TENM1: variants seen among roughly 807,000 people sequenced by gnomAD.
TENM1 encodes teneurin transmembrane protein 1.
In TENM1, 35 loss-of-function variants were observed where a neutral mutation model predicts 174.8. That is an observed-to-expected ratio of 0.20 (90% CI 0.15 to 0.27). The LOEUF (loss-of-function observed/expected upper bound fraction) is 0.27. TENM1 is among the 10% of genes least tolerant of loss of function. TENM1 has a pLI of 1.00. For synonymous variants in TENM1, 781 were observed against 798.7 expected (o/e 0.98, Z 0.37); for missense variants, 1,633 against 2,130.1 (o/e 0.77, Z 4.59).
At chrX:124,527,915 C>G (rs2048018666) in intron 16 of TENM1, among the ~76,000 whole-genome samples, 1 of 106,477 alleles carries the variant, frequency 9.4e-6, no homozygotes, top group African/African-American at 3.4e-5. Context: ...CTCAGCCTCC[C>G]AAAGTGCTGG....
intron 3 of TENM1, among the ~76,000 whole-genome samples, chrX:124,789,999 T>TC (rs1035581957): frequency 8.9e-6 from 1 of 112,110 alleles, no homozygotes; most frequent in African/African-American, 3.2e-5. Flanking sequence ...GACTTACAGT[T>TC]CCACATGGCT....
At chrX:124,782,560 C>T (rs1476653923) in intron 3 of TENM1, among the ~76,000 whole-genome samples, 1 of 109,035 alleles carries the variant, frequency 9.2e-6, no homozygotes, top group Non-Finnish European at 1.9e-5. Context: ...TCTTGGAATA[C>T]ATCCCCTTCC....
chrX:124,592,420 C>CTATAA (rs980122534), intron 11 of TENM1, among the ~76,000 whole-genome samples: 3 of 104,059 alleles, frequency 2.9e-5, no homozygotes, highest in Non-Finnish European at 5.8e-5. Context: ...CATTCTTTAC[C>CTATAA]TATAATATTA....
the TENM1 span, among the ~76,000 whole-genome samples, chrX:125,037,799 T>C: frequency 9.0e-6 from 1 of 111,624 alleles, no homozygotes; most frequent in Non-Finnish European, 1.9e-5. Context: ...TCTTTCCTCA[T>C]AAATTAGTCT....
At chrX:124,602,643 C>T (rs1021916189) in intron 11 of TENM1, among the ~76,000 whole-genome samples, 15 of 109,971 alleles carry the variant, frequency 1.4e-4, no homozygotes, top group Admixed American at 2.0e-4. Flanking sequence ...CATAGGGAAA[C>T]GCAGGAGCCT....
At chrX:125,013,070 A>G in the TENM1 span, among the ~76,000 whole-genome samples, 39 of 111,828 alleles carry the variant, frequency 3.5e-4, 1 homozygote, top group Admixed American at 3.4e-3. Flanking sequence ...AAAATGTTCA[A>G]TAGCTACAGT....
At chrX:124,712,305 C>T (rs759694012) in intron 4 of TENM1, among the ~76,000 whole-genome samples, 1 of 111,129 alleles carries the variant, frequency 9.0e-6, no homozygotes, top group Non-Finnish European at 1.9e-5. Flanking sequence ...TACAACACCA[C>T]CAACCATGTA....
the TENM1 span, among the ~76,000 whole-genome samples, chrX:125,098,580 C>A: frequency 8.9e-6 from 1 of 111,971 alleles, no homozygotes; most frequent in Non-Finnish European, 1.9e-5. Flanking sequence ...AGCATAAAGA[C>A]AACAACAAGA....
the TENM1 span, among the ~76,000 whole-genome samples, chrX:125,171,338 AG>A: frequency 9.0e-6 from 1 of 110,930 alleles, no homozygotes; most frequent in African/African-American, 3.3e-5. Context: ...TTATACCCCG[AG>A]ATCTAAAGAC....
chrX:124,705,811 C>T (rs1248944145), intron 4 of TENM1, among the ~76,000 whole-genome samples: 1 of 112,306 alleles, frequency 8.9e-6, no homozygotes, highest in Non-Finnish European at 1.9e-5. Flanking sequence ...ACTGAACTCA[C>T]TTTGTCACAT....
chrX:124,808,800 A>C (rs2055682919), intron 3 of TENM1, among the ~76,000 whole-genome samples: 1 of 111,927 alleles, frequency 8.9e-6, no homozygotes, highest in African/African-American at 3.2e-5. Context: ...AGCATGAAAC[A>C]TAGCATGCCA....
intron 4 of TENM1, among the ~76,000 whole-genome samples, chrX:124,715,836 G>T (rs898252511): frequency 9.1e-6 from 1 of 109,747 alleles, no homozygotes; most frequent in Non-Finnish European, 1.9e-5. Flanking sequence ...TGAGCCAGTT[G>T]ACATGGTATA....
chrX:125,182,903 C>T, the TENM1 span, among the ~76,000 whole-genome samples: 1 of 111,799 alleles, frequency 8.9e-6, no homozygotes, highest in Admixed American at 9.5e-5. Context: ...GGGGAAAAAG[C>T]TGAACATACA....
intron 5 of TENM1, among the ~76,000 whole-genome samples, chrX:124,702,039 A>G (rs771353748): frequency 8.9e-6 from 1 of 112,493 alleles, no homozygotes; most frequent in African/African-American, 3.2e-5. Context: ...AAACAGAAGC[A>G]GCAAGTAGTT....
rs183775746 is a variant in TENM1, at chrX:124,487,966, C to T, written c.3696-737G>A. ...ACAGCAAAACTGCTGATCAAAACAA[C>T]TTCAATAAAACACATTGTACATCAA... On this transcript the variant is annotated intron_variant, in intron 20 of 31. Coordinates refer to ENST00000422452, the Ensembl canonical transcript of TENM1. Among the ~76,000 whole-genome samples, 206 of 112,231 alleles carry T rather than the reference C, an allele frequency of 1.8e-3. 2 individuals carry two copies. The highest frequency in any genetic ancestry group is 6.4e-3 in the African/African-American group (198 of 30,937).
chrX:124,523,267 G>T, intron 17 of TENM1, 97 bp downstream of exon 20: 1 of 905,016 alleles, frequency 1.1e-6, no homozygotes, highest in Non-Finnish European at 1.6e-6. Context: ...ACATTATAAG[G>T]ATGGTAACAA....
At chrX:124,645,074 A>C (rs1401779705) in intron 10 of TENM1, 69 bp downstream of exon 13, 2 of 1,073,787 alleles carry the variant, frequency 1.9e-6, no homozygotes, top group African/African-American at 3.7e-5. Flanking sequence ...TACTAGGAGA[A>C]CAGAATGACA....
intron 13 of TENM1, 86 bp from the exon 17 acceptor site, chrX:124,561,903 T>A: frequency 1.0e-6 from 1 of 968,945 alleles, no homozygotes; most frequent in Non-Finnish European, 1.4e-6. Flanking sequence ...GGGAAGCATC[T>A]AACCATCTGG....
intron 3 of TENM1, among the ~76,000 whole-genome samples, chrX:124,862,209 T>C (rs2056924022): frequency 9.0e-6 from 1 of 111,696 alleles, no homozygotes. Flanking sequence ...GGGGAGGATG[T>C]GGAGGAAGCA....
Sources: allele counts gnomAD v4.1 joint callset (sites outside exome capture counted in the v4.1 genomes callset), GRCh38; gene constraint gnomAD v4.1.1; transcripts MANE v1.5; gene names NCBI Gene and HGNC (gene_info 2026-07-23, HGNC 2026-07-21).